NCKAP5: variants seen among roughly 807,000 people sequenced by gnomAD.
NCKAP5 encodes NCK associated protein 5.
NCKAP5 carries 92 observed loss-of-function variants against 167.0 expected under a neutral mutation model. That is an observed-to-expected ratio of 0.55 (90% CI 0.47 to 0.66). NCKAP5 has a LOEUF of 0.66. Among genes scored for constraint, NCKAP5 ranks in the 30% least tolerant of loss-of-function variants. The pLI is 0.00. For synonymous variants in NCKAP5, 891 were observed against 877.4 expected (o/e 1.02, Z -0.27); for missense variants, 2,378 against 2,315.0 (o/e 1.03, Z -0.56).
chr2:133,635,968 T>G, the NCKAP5 span, among the ~76,000 whole-genome samples: 10 of 152,206 alleles, frequency 6.6e-5, no homozygotes, highest in African/African-American at 2.4e-4. Context: ...ACACAATATT[T>G]TAATTAATAA....
At chr2:132,927,750 T>C (rs1056129952) in intron 8 of NCKAP5, among the ~76,000 whole-genome samples, 1 of 152,148 alleles carries the variant, frequency 6.6e-6, no homozygotes, top group African/African-American at 2.4e-5. Context: ...AATTTATTTA[T>C]TAAATCTAAG....
rs187842288 is a variant in NCKAP5, at chr2:133,555,464, G to A, written c.-62+3586C>T. ...ATCAAAAAAGCCTTGGAATCCTCCA[G>A]CTCACCTGCCTTTGCAATGAAGCCC... On this transcript the variant is annotated intron_variant, in intron 2 of 19. Transcript: ENST00000409261. 4.0e-3 allele frequency among the ~76,000 whole-genome samples: 612 copies of A among 152,324 alleles called. 4 individuals carry two copies. Among genetic ancestry groups the A allele is most frequent in the African/African-American group, 0.014 (579 of 41,568 alleles).
At chr2:132,907,878 C>T (rs991469008) in intron 8 of NCKAP5, among the ~76,000 whole-genome samples, 6 of 151,820 alleles carry the variant, frequency 4.0e-5, no homozygotes, top group South Asian at 4.2e-4. Context: ...AGGATGGTCT[C>T]GATCTCCTGA....
chr2:132,728,939 G>T lies in NCKAP5; in HGVS notation c.5457C>A (p.Ser1819=), dbSNP rs773565366. 4 of 1,613,818 alleles carry T rather than the reference G, an allele frequency of 2.5e-6. No homozygotes were observed. The South Asian group carries it at 3.3e-5, about 13-fold the overall frequency. ...TTGGCTCTGCTTCATTCTGCTTTTG[G>T]GAACTGACTTTTCCTAAATGAGGAC... ...PKPASSGKVS[S]QKQNEAEPRP... is the part of the protein sequence containing the mutation. The change falls in exon 18 of 20, where the codon TCC becomes TCA. Residue 1819 remains serine (S), a synonymous_variant. Transcript: ENST00000409261.
intron 11 of NCKAP5, among the ~76,000 whole-genome samples, chr2:132,810,333 G>A (rs537284214): frequency 1.1e-4 from 17 of 152,300 alleles, no homozygotes; most frequent in African/African-American, 4.1e-4. Context: ...GTGAGGCCAG[G>A]AAAGTTTTCC....
At chr2:133,510,463 T>C (rs1575081575) in intron 3 of NCKAP5, among the ~76,000 whole-genome samples, 1 of 152,316 alleles carries the variant, frequency 6.6e-6, no homozygotes, top group South Asian at 2.1e-4. Context: ...CAAGGTCTGG[T>C]TCATCAGAAA....
rs1421361898 is a variant in NCKAP5 at position 133,483,671 on chromosome 2, G to A, written c.69+33787C>T. On this transcript the variant is annotated intron_variant, in intron 3 of 19. Coordinates refer to ENST00000409261, the MANE Select transcript of NCKAP5 (RefSeq NM_207363.3). ...CTCTTAAAATAGAATTCAGAACAAC[G>A]GGCTTTCTTTTAAACAATGGGTTCA... Among the ~76,000 whole-genome samples the A allele has an allele frequency of 3.3e-5, 5 of 151,882 alleles. No homozygotes were observed. The South Asian group carries it at 6.2e-4, about 19-fold the overall frequency.
intron 17 of NCKAP5, among the ~76,000 whole-genome samples, chr2:132,730,163 A>G (rs1352790402): frequency 6.6e-6 from 1 of 152,088 alleles, no homozygotes; most frequent in Non-Finnish European, 1.5e-5. Flanking sequence ...TCTACCATAT[A>G]CTACCTTTTT....
chr2:132,679,772 G>C (rs770414515), intron 19 of NCKAP5, among the ~76,000 whole-genome samples: 2 of 152,152 alleles, frequency 1.3e-5, no homozygotes, highest in Non-Finnish European at 2.9e-5. Flanking sequence ...AACAAATCTT[G>C]AGCACTGGGA....
intron 2 of NCKAP5, among the ~76,000 whole-genome samples, chr2:133,538,258 A>C (rs1685908957): frequency 6.6e-6 from 1 of 152,198 alleles, no homozygotes; most frequent in Admixed American, 6.5e-5. Flanking sequence ...AAATAAAAGA[A>C]ATTGTGGTTA....
At chr2:133,555,577 A>G (rs1486530543) in intron 2 of NCKAP5, among the ~76,000 whole-genome samples, 1 of 152,234 alleles carries the variant, frequency 6.6e-6, no homozygotes, top group African/African-American at 2.4e-5. Flanking sequence ...GTTCTTCCTA[A>G]TATTAGACCA....
chr2:133,552,470 T>C (rs979787273), intron 2 of NCKAP5, among the ~76,000 whole-genome samples: 1 of 147,372 alleles, frequency 6.8e-6, no homozygotes, highest in Non-Finnish European at 1.5e-5. Context: ...TTGGAAATCA[T>C]CATTCTCAGT....
chr2:132,788,188 A>C (rs945168259), intron 13 of NCKAP5, among the ~76,000 whole-genome samples: 3 of 152,222 alleles, frequency 2.0e-5, no homozygotes, highest in African/African-American at 7.2e-5. Flanking sequence ...TCTCACAGGC[A>C]GATCCATCCT....
At chr2:132,833,965 T>C (rs992044103) in intron 11 of NCKAP5, among the ~76,000 whole-genome samples, 53 of 152,328 alleles carry the variant, frequency 3.5e-4, no homozygotes, top group African/African-American at 1.2e-3. Flanking sequence ...ATTTTAATGA[T>C]ATTAATTCTG....
chr2:132,995,037 G>A (rs74402638), intron 6 of NCKAP5, among the ~76,000 whole-genome samples: 256 of 152,250 alleles, frequency 1.7e-3, no homozygotes, highest in African/African-American at 5.7e-3. Context: ...TGCCACGAAT[G>A]GAGCTCACAG....
rs1325431934 is a variant in NCKAP5 at position 132,782,514 on chromosome 2, G to T, written c.4297C>A (p.His1433Asn). Residue 1433 changes from histidine to asparagine, a missense_variant, in exon 14 of 20, where the codon CAT becomes AAT. His to Asn is a moderately conservative substitution (Grantham distance 68, BLOSUM62 1). Transcript: ENST00000409261. The stretch of plus-strand genomic sequence containing the variant: ...CTGCTTGTTTCAAAAGTGCTTGGAT[G>T]CTGAGTCCTCCCTGGGCTCTGCAGG... The part of the protein sequence containing the change: ...EALQSPGRTQ[H>N]PSTFETSSTS... 1.9e-6 allele frequency: 3 copies of T among 1,603,716 alleles called. No homozygotes were observed. The highest frequency in any genetic ancestry group is 2.6e-6 in the Non-Finnish European group (3 of 1,175,372).
the NCKAP5 span, among the ~76,000 whole-genome samples, chr2:133,585,510 C>A: frequency 6.6e-6 from 1 of 152,164 alleles, no homozygotes; most frequent in Admixed American, 6.5e-5. Context: ...GCAGGTCAGG[C>A]CTTTTACTTC....
At chr2:133,355,384 T>C (rs904128737) in intron 3 of NCKAP5, among the ~76,000 whole-genome samples, 1 of 152,228 alleles carries the variant, frequency 6.6e-6, no homozygotes, top group Non-Finnish European at 1.5e-5. Flanking sequence ...CAAATCAACT[T>C]ATTATGATTC....
chr2:132,828,556 T>C (rs1051390971), intron 11 of NCKAP5, among the ~76,000 whole-genome samples: 7 of 152,182 alleles, frequency 4.6e-5, no homozygotes, highest in African/African-American at 1.7e-4. Flanking sequence ...ATACTTCCTG[T>C]ACAGCCTGTG....
Sources: gnomAD v4.1 joint callset for allele counts (sites outside exome capture counted in the v4.1 genomes callset) on GRCh38, gnomAD v4.1.1 for gene constraint, MANE v1.5 for transcripts, NCBI Gene and HGNC (gene_info 2026-07-23, HGNC 2026-07-21) for gene names.